MAF: variants seen among roughly 807,000 people sequenced by gnomAD.
MAF encodes the protein transcription factor Maf.
Under a neutral mutation model 22.0 loss-of-function variants are expected in MAF, and 10 were observed. The observed-to-expected ratio is 0.45, with a 90% CI of 0.28 to 0.77. The LOEUF is 0.77. MAF is among the 30% of genes least tolerant of loss of function. The pLI, the probability that MAF is intolerant of heterozygous loss-of-function variation, is 0.12. For synonymous variants in MAF, 337 were observed against 255.8 expected (o/e 1.32, Z -3.03); for missense variants, 544 against 548.4 (o/e 0.99, Z 0.08).
the MAF span, among the ~76,000 whole-genome samples, chr16:79,357,698 A>G: frequency 5.5e-4 from 84 of 152,162 alleles, no homozygotes; most frequent in African/African-American, 1.9e-3. Context: ...CACTGCTTGG[A>G]CTGGTTACTA....
the MAF span, among the ~76,000 whole-genome samples, chr16:79,239,614 C>A: frequency 2.6e-5 from 4 of 152,050 alleles, no homozygotes; most frequent in Non-Finnish European, 5.9e-5. Context: ...TAGTCCGAAC[C>A]CCTAGATGCT....
the MAF span, among the ~76,000 whole-genome samples, chr16:79,459,326 C>T: frequency 4.6e-5 from 7 of 152,260 alleles, no homozygotes; most frequent in East Asian, 1.4e-3. Context: ...ATGTGAAAGG[C>T]TTTGTTCTAG....
chr16:79,240,782 T>G, the MAF span, among the ~76,000 whole-genome samples: 5 of 151,982 alleles, frequency 3.3e-5, no homozygotes, highest in South Asian at 1.0e-3. Context: ...AATGGACACC[T>G]CATACAAGAG....
chr16:79,285,205 T>C, the MAF span, among the ~76,000 whole-genome samples: 1 of 152,144 alleles, frequency 6.6e-6, no homozygotes, highest in Non-Finnish European at 1.5e-5. Context: ...TAAAGAAATA[T>C]TGCCTGTCAG....
At chr16:79,411,393 A>G in the MAF span, among the ~76,000 whole-genome samples, 2 of 152,284 alleles carry the variant, frequency 1.3e-5, no homozygotes, top group East Asian at 1.9e-4. Flanking sequence ...TATCTGCCCC[A>G]TATCCATCCC....
At chr16:79,523,478 A>T in the MAF span, among the ~76,000 whole-genome samples, 1 of 152,234 alleles carries the variant, frequency 6.6e-6, no homozygotes, top group Non-Finnish European at 1.5e-5. Flanking sequence ...GGGTTCATTC[A>T]TTTGTTCACT....
At chr16:79,584,947 TA>T (rs1912748912), downstream of MAF, among the ~76,000 whole-genome samples, 1 of 152,202 alleles carries the variant, frequency 6.6e-6, no homozygotes, top group African/African-American at 2.4e-5. Flanking sequence ...ACTGGATCCT[TA>T]ACGTACCTCC....
chr16:79,364,355 T>G, the MAF span, among the ~76,000 whole-genome samples: 1 of 152,196 alleles, frequency 6.6e-6, no homozygotes, highest in East Asian at 1.9e-4. Context: ...AAAAAGGACA[T>G]TGACTGTGAG....
At chr16:79,352,362 C>G in the MAF span, among the ~76,000 whole-genome samples, 1 of 152,140 alleles carries the variant, frequency 6.6e-6, no homozygotes, top group Non-Finnish European at 1.5e-5. Context: ...CCATGTTGGT[C>G]CATGGCTGGG....
the MAF span, among the ~76,000 whole-genome samples, chr16:79,494,025 C>A: frequency 2.1e-4 from 32 of 152,000 alleles, no homozygotes; most frequent in Middle Eastern, 3.4e-3. Flanking sequence ...ATGGTGACAG[C>A]AAATGAGAAA....
chr16:79,538,865 GAAAAGA>G, the MAF span, among the ~76,000 whole-genome samples: 13 of 28,328 alleles, frequency 4.6e-4, no homozygotes, highest in African/African-American at 1.2e-3. Context: ...GAAAAGAAAA[GAAAAGA>G]AAAGAAAGAA....
the MAF span, among the ~76,000 whole-genome samples, chr16:79,354,474 G>T: frequency 6.6e-6 from 1 of 152,216 alleles, no homozygotes; most frequent in Admixed American, 6.5e-5. Flanking sequence ...AGTGGGGACA[G>T]AAGCAAATCA....
At chr16:79,261,914 G>A in the MAF span, among the ~76,000 whole-genome samples, 2 of 152,178 alleles carry the variant, frequency 1.3e-5, no homozygotes, top group Non-Finnish European at 2.9e-5. Context: ...TGACAGTGGA[G>A]AGGGCTGGGA....
At chr16:79,487,503 G>T in the MAF span, among the ~76,000 whole-genome samples, 2 of 152,046 alleles carry the variant, frequency 1.3e-5, no homozygotes, top group African/African-American at 4.8e-5. Flanking sequence ...CTAAATGATT[G>T]AAAGAAGGCA....
the MAF span, among the ~76,000 whole-genome samples, chr16:79,208,657 G>A: frequency 1.5e-4 from 23 of 151,324 alleles, no homozygotes; most frequent in Admixed American, 1.2e-3. Context: ...GTTTAAGAAT[G>A]CTTTCTCTTT....
At chr16:79,245,663 C>T in the MAF span, among the ~76,000 whole-genome samples, 18 of 152,060 alleles carry the variant, frequency 1.2e-4, no homozygotes, top group East Asian at 1.2e-3. Context: ...TCCTCAAGGA[C>T]CTAGAACTAG....
the MAF span, among the ~76,000 whole-genome samples, chr16:79,515,693 G>C: frequency 6.6e-6 from 1 of 152,134 alleles, no homozygotes; most frequent in African/African-American, 2.4e-5. Flanking sequence ...GCTGGGCCGT[G>C]CTTCCTGCCC....
chr16:79,480,777 G>C, the MAF span, among the ~76,000 whole-genome samples: 3 of 152,154 alleles, frequency 2.0e-5, no homozygotes, highest in African/African-American at 7.2e-5. Context: ...GGTGAGTGTA[G>C]AATAGATAAT....
chr16:79,217,665 C>T, the MAF span, among the ~76,000 whole-genome samples: 2 of 152,126 alleles, frequency 1.3e-5, no homozygotes, highest in Non-Finnish European at 2.9e-5. Flanking sequence ...TCTCTGCAGT[C>T]GTTTTCTTCC....
Sources: gnomAD v4.1 joint callset for allele counts (sites outside exome capture counted in the v4.1 genomes callset) on GRCh38, gnomAD v4.1.1 for gene constraint, MANE v1.5 for transcripts, NCBI Gene and HGNC (gene_info 2026-07-23, HGNC 2026-07-21) for gene names.